Variants in NRG1 observed in about 807,000 individuals in gnomAD.
NRG1 encodes pro-neuregulin-1, membrane-bound isoform.
In NRG1, 18 loss-of-function variants were observed where a neutral mutation model predicts 63.8. The observed-to-expected ratio is 0.28, with a 90% CI of 0.19 to 0.42. NRG1 has a LOEUF of 0.42. Ranked by LOEUF, NRG1 falls within the 10% of genes least tolerant of loss-of-function variation. The pLI is 1.00. For synonymous variants in NRG1, 302 were observed against 301.3 expected, an observed-to-expected ratio of 1.00 and a Z score of -0.02; for missense variants, 762 against 814.7, an observed-to-expected ratio of 0.94 and a Z score of 0.79.
intron 1 of NRG1, among the ~76,000 whole-genome samples, chr8:32,426,651 C>T (rs1817412390): frequency 1.3e-5 from 2 of 152,134 alleles, no homozygotes; most frequent in African/African-American, 2.4e-5. Context: ...CAACACCACA[C>T]CCTACACACA....
chr8:32,099,260 G>A (rs952063186), intron 1 of NRG1: 1 of 152,182 alleles, frequency 6.6e-6, no homozygotes, highest in African/African-American at 2.4e-5. Flanking sequence ...TAGTAAGTTG[G>A]GCATGAGAAG....
chr8:31,934,802 T>A (rs1214900974), intron 1 of NRG1, among the ~76,000 whole-genome samples: 1 of 152,206 alleles, frequency 6.6e-6, no homozygotes, highest in Non-Finnish European at 1.5e-5. Context: ...TTCCAGAATG[T>A]TAAATTTCAT....
chr8:32,130,971 T>C (rs569059315), intron 1 of NRG1, among the ~76,000 whole-genome samples: 2 of 152,038 alleles, frequency 1.3e-5, no homozygotes, highest in East Asian at 1.9e-4. Flanking sequence ...ACACCAACTA[T>C]CTTGGGCACA....
chr8:32,610,976 G>A (rs1446993249), intron 3 of NRG1, among the ~76,000 whole-genome samples: 1 of 152,110 alleles, frequency 6.6e-6, no homozygotes, highest in East Asian at 1.9e-4. Context: ...GGCTCAGTCT[G>A]TATATAGGAA....
chr8:32,218,543 T>G (rs1249893208), intron 1 of NRG1, among the ~76,000 whole-genome samples: 2 of 152,198 alleles, frequency 1.3e-5, no homozygotes, highest in Non-Finnish European at 2.9e-5. Flanking sequence ...TTGCTTAGTC[T>G]GGAGAAGCTA....
intron 1 of NRG1, among the ~76,000 whole-genome samples, chr8:31,673,443 C>G (rs551132297): frequency 4.6e-5 from 7 of 152,174 alleles, no homozygotes; most frequent in Non-Finnish European, 7.4e-5. Context: ...TGAACCTTTC[C>G]TCAGTATTAC....
chr8:32,231,466 A>G (rs1001069621), intron 1 of NRG1, among the ~76,000 whole-genome samples: 7 of 152,210 alleles, frequency 4.6e-5, no homozygotes, highest in African/African-American at 1.7e-4. Flanking sequence ...ATAAAAAGGG[A>G]AATTGAATGT....
chr8:32,626,445 C>A (rs1348757545), intron 5 of NRG1, among the ~76,000 whole-genome samples: 6 of 151,042 alleles, frequency 4.0e-5, no homozygotes, highest in Non-Finnish European at 8.8e-5. Context: ...CTCTGGGAGG[C>A]AGAGGCAGGT....
At chr8:32,717,912 GTAC>G (rs1277317686) in intron 5 of NRG1, among the ~76,000 whole-genome samples, 2 of 152,190 alleles carry the variant, frequency 1.3e-5, no homozygotes, top group African/African-American at 4.8e-5. Flanking sequence ...TTGCCTCAAA[GTAC>G]TGAAAGTTTA....
chr8:32,749,197 A>G, intron 7 of NRG1: 1 of 193,508 alleles, frequency 5.2e-6, no homozygotes, highest in Non-Finnish European at 1.1e-5. Context: ...TTTTAAAAAA[A>G]GGAATGAAAT....
chr8:31,971,501 T>C (rs944666057), intron 1 of NRG1, among the ~76,000 whole-genome samples: 1 of 152,132 alleles, frequency 6.6e-6, no homozygotes, highest in African/African-American at 2.4e-5. Flanking sequence ...ACGTAAATGC[T>C]ATATAGTTAA....
intron 1 of NRG1, among the ~76,000 whole-genome samples, chr8:32,190,767 T>C (rs1842417251): frequency 6.6e-6 from 1 of 152,144 alleles, no homozygotes; most frequent in Admixed American, 6.6e-5. Context: ...GATTCCTGGG[T>C]CAGAGATGAA....
intron 1 of NRG1, among the ~76,000 whole-genome samples, chr8:32,210,851 A>G (rs1317093440): frequency 6.6e-6 from 1 of 152,232 alleles, no homozygotes; most frequent in Non-Finnish European, 1.5e-5. Flanking sequence ...AAACATTCAT[A>G]TGATATTCTC....
intron 1 of NRG1, among the ~76,000 whole-genome samples, chr8:32,353,235 C>T (rs1226528178): frequency 6.7e-6 from 1 of 150,136 alleles, no homozygotes; most frequent in African/African-American, 2.4e-5. Flanking sequence ...TTCAAAATAA[C>T]AATTGTTATT....
chr8:32,171,018 A>G (rs1003322632), intron 1 of NRG1, among the ~76,000 whole-genome samples: 1 of 151,848 alleles, frequency 6.6e-6, no homozygotes, highest in Non-Finnish European at 1.5e-5. Flanking sequence ...TTCCAATATC[A>G]TTTACTCTTG....
chr8:32,180,250 G>A (rs16878938), intron 1 of NRG1, among the ~76,000 whole-genome samples: 4,389 of 152,022 alleles, frequency 0.029, 184 homozygotes, highest in African/African-American at 0.099. Flanking sequence ...GCAGACTTTT[G>A]CAGATGCATT....
chr8:32,624,742 A>G (rs1231039803), intron 5 of NRG1, among the ~76,000 whole-genome samples: 1 of 152,198 alleles, frequency 6.6e-6, no homozygotes, highest in Non-Finnish European at 1.5e-5. Flanking sequence ...AAAAACGTAG[A>G]CAAATGAGTT....
At chr8:32,248,406 G>A (rs1848790109) in intron 1 of NRG1, among the ~76,000 whole-genome samples, 1 of 151,908 alleles carries the variant, frequency 6.6e-6, no homozygotes, top group Non-Finnish European at 1.5e-5. Flanking sequence ...TGGCAAAAAT[G>A]AACACATTTA....
At chr8:32,173,449 C>T (rs952897905) in intron 1 of NRG1, among the ~76,000 whole-genome samples, 6 of 152,092 alleles carry the variant, frequency 3.9e-5, no homozygotes, top group African/African-American at 1.4e-4. Flanking sequence ...GCAAAATAAC[C>T]AGCTAACATC....
Sources: gnomAD v4.1 joint callset for allele counts (sites outside exome capture counted in the v4.1 genomes callset) on GRCh38, gnomAD v4.1.1 for gene constraint, MANE v1.5 for transcripts, NCBI Gene and HGNC (gene_info 2026-07-23, HGNC 2026-07-21) for gene names.